Variants in STX7 observed in about 807,000 individuals in gnomAD.
STX7 encodes the protein syntaxin 7, also known as syntaxin-7.
STX7 carries 34 observed loss-of-function variants against 39.6 expected under a neutral mutation model. The observed-to-expected ratio is 0.86, with a 90% CI of 0.65 to 1.14. The LOEUF is 1.14. Among genes scored for constraint, STX7 ranks in the 50% most tolerant of loss-of-function variants. The pLI, the probability that STX7 is intolerant of heterozygous loss-of-function variation, is 0.00. For synonymous variants in STX7, 119 were observed against 99.1 expected (o/e 1.20, Z -1.19); for missense variants, 284 against 310.4 (o/e 0.92, Z 0.64).
intron 8 of STX7, among the ~76,000 whole-genome samples, chr6:132,467,761 C>A (rs1774598038): frequency 6.6e-6 from 1 of 152,172 alleles, no homozygotes; most frequent in Non-Finnish European, 1.5e-5. Flanking sequence ...CTAAAAGCAT[C>A]TTTAGACATA....
intron 3 of STX7, among the ~76,000 whole-genome samples, chr6:132,473,211 ATTT>A (rs747498864): frequency 1.3e-3 from 201 of 152,306 alleles, no homozygotes; most frequent in Non-Finnish European, 1.5e-3. Context: ...ATTTACTATT[ATTT>A]AAGTTTACGC....
At chr6:132,512,733 G>A (rs1003715289) in intron 1 of STX7, among the ~76,000 whole-genome samples, 1 of 152,132 alleles carries the variant, frequency 6.6e-6, no homozygotes, top group Non-Finnish European at 1.5e-5. Context: ...GGACCGCGGC[G>A]GGTGCGTGGC....
chr6:132,474,029 G>GA (rs1774806844), intron 3 of STX7, among the ~76,000 whole-genome samples: 1 of 151,866 alleles, frequency 6.6e-6, no homozygotes. Flanking sequence ...CAGAATTGAA[G>GA]ACCAGTGCCG....
At chr6:132,493,782 A>T (rs1409897900) in intron 2 of STX7, among the ~76,000 whole-genome samples, 1 of 152,232 alleles carries the variant, frequency 6.6e-6, no homozygotes, top group Non-Finnish European at 1.5e-5. Flanking sequence ...TGCCAAAATC[A>T]CTACAGGAAA....
At chr6:132,507,035 A>C (rs1285429746) in intron 1 of STX7, among the ~76,000 whole-genome samples, 2 of 152,232 alleles carry the variant, frequency 1.3e-5, no homozygotes, top group Non-Finnish European at 2.9e-5. Flanking sequence ...CCATTATCTT[A>C]AGTGAAATGA....
In STX7 at chr6:132,448,579, A is replaced by C. The variant is rs916100341; in HGVS notation, c.*12179T>G. The C allele has an allele frequency of 1.3e-5, 2 of 152,248 alleles. No homozygotes were observed. Among genetic ancestry groups the C allele is most frequent in the Admixed American group, 6.5e-5 (1 of 15,272 alleles). 9.4% of individuals were successfully genotyped at this position (152,248 alleles called of 1,614,324 possible). On this transcript the variant is annotated 3_prime_UTR_variant, in exon 10 of 10. Coordinates refer to ENST00000367941, the MANE Select transcript of STX7 (RefSeq NM_003569.3). ...GCCAGGTGCAGTGGCTCATGCCTCT[A>C]ATCCCAGCATTTTGGGAGGCCAAGG...
intron 2 of STX7, among the ~76,000 whole-genome samples, chr6:132,484,148 T>C (rs1775074499): frequency 6.6e-6 from 1 of 152,214 alleles, no homozygotes; most frequent in Non-Finnish European, 1.5e-5. Context: ...TATCTACAAT[T>C]TTGAACTATC....
intron 3 of STX7, among the ~76,000 whole-genome samples, chr6:132,472,868 G>A (rs531719050): frequency 6.6e-6 from 1 of 152,246 alleles, no homozygotes; most frequent in Non-Finnish European, 1.5e-5. Flanking sequence ...AAAAAGGCGG[G>A]GGGGAGGGGC....
At chr6:132,507,609 T>C (rs1318452889) in intron 1 of STX7, among the ~76,000 whole-genome samples, 1 of 152,226 alleles carries the variant, frequency 6.6e-6, no homozygotes, top group Admixed American at 6.5e-5. Context: ...GCTTCCAAAG[T>C]CCATCTGTGC....
intron 1 of STX7, among the ~76,000 whole-genome samples, chr6:132,508,132 T>C (rs535614053): frequency 3.6e-4 from 55 of 152,340 alleles, no homozygotes; most frequent in African/African-American, 1.3e-3. Flanking sequence ...TGATCTGTTC[T>C]TGCAGCTGCA....
intron 3 of STX7, among the ~76,000 whole-genome samples, chr6:132,474,248 A>AAAAC: frequency 6.6e-6 from 1 of 151,390 alleles, no homozygotes; most frequent in East Asian, 1.9e-4. Flanking sequence ...AAAAAAAAAA[A>AAAAC]AAATCCTTAG....
chr6:132,499,608 C>T (rs1438684194), intron 2 of STX7, among the ~76,000 whole-genome samples: 1 of 152,210 alleles, frequency 6.6e-6, no homozygotes, highest in Non-Finnish European at 1.5e-5. Flanking sequence ...TCTTTAATTT[C>T]TAGAAATCTA....
At chr6:132,500,940 T>G (rs1419597297) in intron 2 of STX7, among the ~76,000 whole-genome samples, 2 of 152,190 alleles carry the variant, frequency 1.3e-5, no homozygotes, top group Non-Finnish European at 2.9e-5. Context: ...TACCTGTAGC[T>G]TCCGTACATT....
chr6:132,470,163 G>A (rs1774677928), intron 6 of STX7, 116 bp from the exon 7 acceptor site: 2 of 679,036 alleles, frequency 2.9e-6, no homozygotes, highest in Non-Finnish European at 4.4e-6. Context: ...CAAAGTCACA[G>A]AACTACTCAA....
At chr6:132,506,425 A>G (rs181263487) in intron 1 of STX7, among the ~76,000 whole-genome samples, 4 of 152,318 alleles carry the variant, frequency 2.6e-5, no homozygotes, top group Admixed American at 2.6e-4. Flanking sequence ...TAACCCCATT[A>G]AAAAGGGGGC....
chr6:132,511,954 A>G (rs1423294325), intron 1 of STX7, among the ~76,000 whole-genome samples: 1 of 152,194 alleles, frequency 6.6e-6, no homozygotes, highest in African/African-American at 2.4e-5. Context: ...TTAATATGGT[A>G]TCATATTAAC....
At chr6:132,494,817 T>C (rs1693644747) in intron 2 of STX7, among the ~76,000 whole-genome samples, 1 of 152,152 alleles carries the variant, frequency 6.6e-6, no homozygotes, top group Non-Finnish European at 1.5e-5. Flanking sequence ...TAGGATGACA[T>C]GATCTGATTT....
chr6:132,491,307 TA>T lies in STX7; in HGVS notation c.85+12138del, dbSNP rs1775280497. Among the ~76,000 whole-genome samples the T allele has an allele frequency of 3.3e-5, 5 of 150,362 alleles. No homozygotes were observed. The South Asian group carries it at 1.1e-3, about 32-fold the overall frequency. ...AAAACTCAATGAAGTAATCACAGTT[TA>T]AAGGAAGATCACAAAAGAACTCTTA... On this transcript the variant is annotated intron_variant, in intron 2 of 9. Transcript: ENST00000367941.
chr6:132,495,821 T>C (rs900339951), intron 2 of STX7, among the ~76,000 whole-genome samples: 1 of 152,176 alleles, frequency 6.6e-6, no homozygotes, highest in African/African-American at 2.4e-5. Flanking sequence ...AAGAACCTTA[T>C]GGGGACAGGA....
Sources: allele counts gnomAD v4.1 joint callset (sites outside exome capture counted in the v4.1 genomes callset), GRCh38; gene constraint gnomAD v4.1.1; transcripts MANE v1.5; gene names NCBI Gene and HGNC (gene_info 2026-07-23, HGNC 2026-07-21).